TBC1D9B: variants seen among roughly 807,000 people sequenced by gnomAD.
The protein encoded by TBC1D9B is TBC1 domain family, member 9B (with GRAM domain).
In TBC1D9B, 87 loss-of-function variants were observed where a neutral mutation model predicts 121.1. The ratio of observed to expected loss-of-function variants is 0.72; its 90% CI spans 0.60 to 0.86. TBC1D9B has a LOEUF of 0.86. Among genes scored for constraint, TBC1D9B ranks in the 40% least tolerant of loss-of-function variants. TBC1D9B has a pLI of 0.00. For synonymous variants in TBC1D9B, 668 were observed against 670.1 expected (o/e 1.00, Z 0.05); for missense variants, 1,540 against 1,628.6 (o/e 0.95, Z 0.94).
rs1314547414 is a variant in TBC1D9B at position 179,865,106 on chromosome 5, A to T, written c.3021+148T>A. On this transcript the variant is annotated intron_variant, in intron 20 of 20. Transcript: ENST00000355235. This position sits in a 1 kb window ranked among gnomAD's most constrained non-coding sequence, Gnocchi z 5.1. Reference sequence around the variant, plus strand: ...TCTTGTCTTTCTGGAATCATCGCTGACTGGCAACCAGGACTAACGGGCTCT... The same window carrying T: ...TCTTGTCTTTCTGGAATCATCGCTGTCTGGCAACCAGGACTAACGGGCTCT... The T allele has an allele frequency of 2.9e-6, 2 of 696,964 alleles. No homozygotes were observed. The highest frequency in any genetic ancestry group is 5.4e-5 in the Admixed American group (2 of 37,370). The allele number at this position is 696,964 out of a possible 1,614,324, so 43.2% of individuals were successfully genotyped here.
At position 179,863,369 on chromosome 5, in the gene TBC1D9B, T is replaced by G; in HGVS notation, c.*79A>C. ...GAGGGGCACACCTTTAAAGAGAAACTGATAAGGGAGGAAAGGCAGGAGGAG... is the reference window on the plus strand; with the variant it reads ...GAGGGGCACACCTTTAAAGAGAAACGGATAAGGGAGGAAAGGCAGGAGGAG... On this transcript the variant is annotated 3_prime_UTR_variant, in exon 21 of 21. Transcript: ENST00000355235. The surrounding 1 kb of genome is among the most constrained non-coding windows in gnomAD (Gnocchi z 4.5). 1 of 1,497,464 alleles carries G rather than the reference T, an allele frequency of 6.7e-7. No individual in the cohort carries two copies. The highest frequency in any genetic ancestry group is 9.0e-7 in the Non-Finnish European group (1 of 1,108,892). 92.8% of individuals were successfully genotyped at this position (1,497,464 alleles called of 1,614,324 possible). A position where few individuals can be genotyped will look rare whatever the true frequency, so the allele number is the denominator to read the frequency against.
At chr5:179,881,355 CAG>C (rs1195261470) in intron 7 of TBC1D9B, among the ~76,000 whole-genome samples, 2 of 152,186 alleles carry the variant, frequency 1.3e-5, no homozygotes, top group African/African-American at 2.4e-5. Flanking sequence ...TAACTGAGAA[CAG>C]GGAACAATCC....
At chr5:179,887,949 TG>T in intron 7 of TBC1D9B, 153 bp downstream of exon 7, 1 of 890,230 alleles carries the variant, frequency 1.1e-6, no homozygotes, top group Non-Finnish European at 1.8e-6. Flanking sequence ...AGTGTGGGTC[TG>T]GGCTAGGGGT....
chr5:179,879,096 C>T lies in TBC1D9B; in HGVS notation c.1518G>A (p.Leu506=), dbSNP rs1760451125. 1.2e-6 allele frequency: 2 copies of T among 1,607,172 alleles called. No individual in the cohort carries two copies. The highest frequency in any genetic ancestry group is 2.7e-5 in the African/African-American group (2 of 74,930). The change falls in exon 9 of 21, where the codon CTG becomes CTA. Residue 506 remains leucine, a synonymous_variant. Coordinates refer to ENST00000355235, the MANE Select transcript of TBC1D9B (RefSeq NM_015043.4). ...YRTAKTRALV[L]KGIPESLRGE... ...CCCGGAGGCTCTCAGGGATACCCTT[C>T]AGGACCAGTGCCCGCGTCTTGGCTG...
chr5:179,875,999 G>A lies in TBC1D9B; in HGVS notation c.1821C>T (p.Gly607=), dbSNP rs1160538786. ...GGAGCCAGAAGGCCTCCTCCTCACTGCCATAGAGCAGGAGCACCGAGGTCA... is the reference window on the plus strand; with the variant it reads ...GGAGCCAGAAGGCCTCCTCCTCACTACCATAGAGCAGGAGCACCGAGGTCA... The part of the protein sequence containing the change: ...NIVTSVLLLY[G]SEEEAFWLLV... Residue 607 remains glycine, a synonymous_variant, in exon 11 of 21, where the codon GGC becomes GGT. Transcript: ENST00000355235. The surrounding 1 kb of genome is among the most constrained non-coding windows in gnomAD (Gnocchi z 4.5). 6.2e-7 allele frequency: 1 copy of A among 1,612,736 alleles called. No individual in the cohort carries two copies.
chr5:179,893,257 G>T lies in TBC1D9B; in HGVS notation c.788C>A (p.Ala263Asp), dbSNP rs148855461. 1 of 1,613,512 alleles carries T rather than the reference G, an allele frequency of 6.2e-7. No homozygotes were observed. The highest frequency in any genetic ancestry group is 1.3e-5 in the African/African-American group (1 of 75,078). The stretch of plus-strand genomic sequence containing the variant: ...GTGTGGCCGGATGGGCCTAGGCAGG[G>T]CCTTGTCCTCCAGGAAGCCCTCGCT... ...LDSEGFLEDK[A>D]LPRPIRPHRN... Residue 263 changes from alanine to aspartate, a missense_variant, in exon 5 of 21, where the codon GCC (alanine) becomes GAC (aspartate). Transcript: ENST00000355235.
chr5:179,876,012 A>T lies in TBC1D9B; in HGVS notation c.1808T>A (p.Leu603His), dbSNP rs1257877282. 1.8e-5 allele frequency: 29 copies of T among 1,612,772 alleles called. No homozygotes were observed. Among genetic ancestry groups the T allele is most frequent in the Non-Finnish European group, 2.4e-5 (28 of 1,179,652 alleles). The change falls in exon 11 of 21, where the codon CTC becomes CAC. Residue 603 changes from leucine to histidine, a missense_variant. By Grantham distance (99) the Leu-to-His change is moderately conservative. Coordinates refer to ENST00000355235, the MANE Select transcript of TBC1D9B (RefSeq NM_015043.4). ...CQAMNIVTSV[L>H]LLYGSEEEAF... ...CTCCTCCTCACTGCCATAGAGCAGG[A>T]GCACCGAGGTCACGATGTTCATTGC...
intron 6 of TBC1D9B, among the ~76,000 whole-genome samples, 156 bp from the exon 7 acceptor site, chr5:179,888,468 C>A (rs906810456): frequency 6.6e-6 from 1 of 152,142 alleles, no homozygotes; most frequent in African/African-American, 2.4e-5. Flanking sequence ...CCACCCGCTG[C>A]ACCTAACCCC....
In TBC1D9B at chr5:179,873,028, G is replaced by A. The variant is rs778211865; in HGVS notation, c.2317-38C>T. Reference sequence around the variant, plus strand: ...GTGACTTGGTGAGATCAAGCCAACTGCAGGGCAGAGGGCCACCACCTGCCC... The same window carrying A: ...GTGACTTGGTGAGATCAAGCCAACTACAGGGCAGAGGGCCACCACCTGCCC... On this transcript the variant is annotated intron_variant, in intron 13 of 20. Transcript: ENST00000355235. The A allele has an allele frequency of 1.9e-6, 3 of 1,613,614 alleles. No homozygotes were observed. In the African/African-American group the frequency reaches 4.0e-5, roughly 22 times the overall value.
At chr5:179,898,318 A>AT (rs1237469013) in intron 3 of TBC1D9B, among the ~76,000 whole-genome samples, 4 of 151,576 alleles carry the variant, frequency 2.6e-5, no homozygotes, top group African/African-American at 7.3e-5. Flanking sequence ...CGCCCGGCTA[A>AT]TTTTTTTTGT....
At chr5:179,879,591 CTT>C (rs756997462) in intron 8 of TBC1D9B, 35 bp downstream of exon 8, 2 of 1,613,190 alleles carry the variant, frequency 1.2e-6, no homozygotes, top group Admixed American at 3.3e-5. Flanking sequence ...GGGCTCCGCT[CTT>C]GACGGAGGCT....
intron 2 of TBC1D9B, among the ~76,000 whole-genome samples, chr5:179,900,688 C>T (rs1056752591): frequency 6.6e-6 from 1 of 152,156 alleles, no homozygotes; most frequent in African/African-American, 2.4e-5. Context: ...TTATTTAATA[C>T]GTATCCCTGA....
chr5:179,907,394 C>T lies in TBC1D9B; in HGVS notation c.118+310G>A, dbSNP rs953684187. Among the ~76,000 whole-genome samples, 1 of 151,758 alleles carries T rather than the reference C, an allele frequency of 6.6e-6. No homozygotes were observed. The highest frequency in any genetic ancestry group is 2.4e-5 in the African/African-American group (1 of 41,418). ...AGATCCCGGGAAGCTGCACGGCCCC[C>T]GGGGCTCGCGGGCGCCGAATCCGGG... On this transcript the variant is annotated intron_variant, in intron 1 of 20. Transcript: ENST00000355235. This position sits in a 1 kb window ranked among gnomAD's most constrained non-coding sequence, Gnocchi z 5.3.
In TBC1D9B at chr5:179,893,277, C is replaced by T. The variant is rs142576043; in HGVS notation, c.768G>A (p.Glu256=). The change falls in exon 5 of 21, where the codon GAG becomes GAA. Residue 256 remains glutamate, a synonymous_variant. Transcript: ENST00000355235. ...NLAMRQLLDS[E]GFLEDKALPR... ...GCAGGGCCTTGTCCTCCAGGAAGCC[C>T]TCGCTGTCCAGCAGCTGCCGCATGG... The T allele has an allele frequency of 2.5e-5, 41 of 1,613,920 alleles. No individual in the cohort carries two copies. In the African/African-American group the frequency reaches 4.8e-4, roughly 19 times the overall value.
At chr5:179,903,413 C>T (rs1369619551) in intron 2 of TBC1D9B, among the ~76,000 whole-genome samples, 4 of 152,170 alleles carry the variant, frequency 2.6e-5, no homozygotes, top group African/African-American at 4.8e-5. Context: ...CACTCTTGGA[C>T]GGGTGAGTGC....
rs1427277629 is a variant in TBC1D9B at position 179,907,138 on chromosome 5, C to T, written c.118+566G>A. On this transcript the variant is annotated intron_variant, in intron 1 of 20. Transcript: ENST00000355235. The surrounding 1 kb of genome is among the most constrained non-coding windows in gnomAD (Gnocchi z 5.3). ...GCTACCCACAGCCTTGGGTGCGCAG[C>T]TCTGAGAGCAGCCAGGAGCAGGAAA... Among the ~76,000 whole-genome samples, 1 of 152,196 alleles carries T rather than the reference C, an allele frequency of 6.6e-6. No homozygotes were observed. The highest frequency in any genetic ancestry group is 1.5e-5 in the Non-Finnish European group (1 of 68,026).
chr5:179,898,454 T>C (rs945681099), intron 3 of TBC1D9B, among the ~76,000 whole-genome samples: 2 of 149,296 alleles, frequency 1.3e-5, no homozygotes, highest in African/African-American at 4.9e-5. Context: ...CACCTGGCCT[T>C]TTTTTTTTAA....
Position 179,863,619 on chromosome 5 carries a change from G to T in TBC1D9B, c.3531C>A (p.Thr1177=). 2.5e-6 allele frequency: 4 copies of T among 1,613,828 alleles called. No individual in the cohort carries two copies. Among genetic ancestry groups the T allele is most frequent in the Non-Finnish European group, 3.4e-6 (4 of 1,180,022 alleles). The change falls in exon 21 of 21, where the codon ACC becomes ACA. Residue 1177 remains threonine (T), a synonymous_variant. Transcript: ENST00000355235. The surrounding 1 kb of genome is among the most constrained non-coding windows in gnomAD (Gnocchi z 4.5). ...TCTGCTCAAAGGAGATGCACCAGTC[G>T]GTGTCGACGGTGCCGCCGATGCGCG... The part of the protein sequence containing the change: ...PTARIGGTVD[T]DWCISFEQIL...
At chr5:179,898,559 C>T (rs1429219267) in intron 3 of TBC1D9B, among the ~76,000 whole-genome samples, 2 of 152,102 alleles carry the variant, frequency 1.3e-5, no homozygotes, top group Non-Finnish European at 2.9e-5. Context: ...AGCAATTCTC[C>T]TGTCTCAGCC....
Sources: gnomAD v4.1 joint callset for allele counts (sites outside exome capture counted in the v4.1 genomes callset) on GRCh38, gnomAD v4.1.1 for gene constraint, Gnocchi (gnomAD v3.1) non-coding constraint, MANE v1.5 for transcripts, NCBI Gene and HGNC (gene_info 2026-07-23, HGNC 2026-07-21) for gene names.